Variants in NAT1 observed in about 807,000 individuals in gnomAD.
NAT1 encodes the protein arylamine N-acetyltransferase 1.
For synonymous variants in NAT1, 144 were observed against 122.6 expected (o/e 1.17, Z -1.16); for missense variants, 400 against 339.2 (o/e 1.18, Z -1.41).
At chr8:18,173,010 C>T (rs1174283772) in intron 2 of NAT1, among the ~76,000 whole-genome samples, 1 of 152,062 alleles carries the variant, frequency 6.6e-6, no homozygotes, top group Non-Finnish European at 1.5e-5. Flanking sequence ...TCATGGGGAG[C>T]CCAGGACCTC....
At chr8:18,185,938 C>T (rs1187659487) in intron 2 of NAT1, among the ~76,000 whole-genome samples, 1 of 152,062 alleles carries the variant, frequency 6.6e-6, no homozygotes, top group Non-Finnish European at 1.5e-5. Context: ...CCTAAATTTA[C>T]AAATATTTAG....
chr8:18,193,832 G>A (rs1200800281), intron 2 of NAT1, among the ~76,000 whole-genome samples: 1 of 151,556 alleles, frequency 6.6e-6, no homozygotes, highest in African/African-American at 2.4e-5. Flanking sequence ...GTAGAGACAG[G>A]GTTTCATCAT....
chr8:18,217,436 A>G (rs1314271308), intron 1 of NAT1, among the ~76,000 whole-genome samples: 3 of 152,234 alleles, frequency 2.0e-5, no homozygotes, highest in Non-Finnish European at 4.4e-5. Context: ...CCTGGGAGGA[A>G]GATGCTGTGC....
At chr8:18,198,699 G>A (rs538706440) in intron 2 of NAT1, among the ~76,000 whole-genome samples, 23 of 152,086 alleles carry the variant, frequency 1.5e-4, no homozygotes, top group Non-Finnish European at 2.4e-4. Context: ...ACACATATAT[G>A]CATTGTGAAA....
chr8:18,204,587 T>C (rs1369810576), intron 2 of NAT1, among the ~76,000 whole-genome samples: 2 of 152,164 alleles, frequency 1.3e-5, no homozygotes, highest in Non-Finnish European at 2.9e-5. Context: ...TTTCAATCTG[T>C]TAATATACAA....
chr8:18,171,044 T>G lies in NAT1; in HGVS notation n.92+305T>G, dbSNP rs139854244. Among the ~76,000 whole-genome samples the G allele has an allele frequency of 2.3e-3, 344 of 152,176 alleles. 3 individuals are homozygous for G. Among genetic ancestry groups the G allele is most frequent in the African/African-American group, 8.0e-3 (332 of 41,512 alleles). ...TTGGATCCAGTTAAAGGCCTTGGGGTAGGTAATTTTGATCTTTTCGGCATT... is the reference window on the plus strand; with the variant it reads ...TTGGATCCAGTTAAAGGCCTTGGGGGAGGTAATTTTGATCTTTTCGGCATT... On this transcript the variant is annotated intron_variant and non_coding_transcript_variant, in intron 2 of 4. Transcript: ENST00000517441.
chr8:18,188,768 G>A lies in NAT1; in HGVS notation n.92+18029G>A, dbSNP rs998586484. Among the ~76,000 whole-genome samples, 4 of 151,640 alleles carry A rather than the reference G, an allele frequency of 2.6e-5. No individual in the cohort carries two copies. The East Asian group carries it at 5.8e-4, about 22-fold the overall frequency. On this transcript the variant is annotated intron_variant and non_coding_transcript_variant, in intron 2 of 4. Transcript: ENST00000517441. ...ATCTCAGCACCTGGGAGGCTGAGGC[G>A]GGTGGATCATGAGGTTAGGAGTTCA... is the stretch of plus-strand genomic sequence containing the variant.
chr8:18,202,898 G>T (rs550097093), intron 2 of NAT1, among the ~76,000 whole-genome samples: 4 of 152,134 alleles, frequency 2.6e-5, no homozygotes, highest in African/African-American at 7.2e-5. Context: ...TCCCACACAC[G>T]TCCTGCTGAT....
Position 18,222,632 on chromosome 8 carries a change from G to A in NAT1, c.585G>A (p.Lys195=), listed in dbSNP as rs920354996. The change falls in exon 3 of 3, where the codon AAG becomes AAA. Residue 195 remains lysine (K), a synonymous_variant. Transcript: ENST00000307719. ...GAAAAATCTACTCCTTTACTCTTAA[G>A]CCTCGAACAATTGAAGATTTTGAGT... ...KYRKIYSFTL[K]PRTIEDFESM... is the part of the protein sequence containing the mutation. 4 of 1,613,098 alleles carry A rather than the reference G, an allele frequency of 2.5e-6. No individual in the cohort carries two copies. The Admixed American group carries it at 6.7e-5, about 27-fold the overall frequency.
intron 2 of NAT1, chr8:18,221,776 A>T (rs1805324573): frequency 3.0e-6 from 1 of 332,658 alleles, no homozygotes; most frequent in Non-Finnish European, 5.4e-6. Flanking sequence ...ACCATGAACA[A>T]GCTGTTTATC....
chr8:18,218,509 C>T (rs1804929803), intron 1 of NAT1, among the ~76,000 whole-genome samples: 1 of 152,176 alleles, frequency 6.6e-6, no homozygotes, highest in African/African-American at 2.4e-5. Flanking sequence ...CATGTTAATT[C>T]TTTCATTACT....
chr8:18,193,355 G>A (rs1257693407), intron 2 of NAT1, among the ~76,000 whole-genome samples: 2 of 150,322 alleles, frequency 1.3e-5, no homozygotes, highest in African/African-American at 4.9e-5. Flanking sequence ...CTACTTGGGA[G>A]GCAAGGCAGG....
intron 2 of NAT1, among the ~76,000 whole-genome samples, chr8:18,197,893 T>C (rs904951911): frequency 6.6e-6 from 1 of 151,828 alleles, no homozygotes; most frequent in African/African-American, 2.4e-5. Flanking sequence ...TTTATACTTT[T>C]TTTTTTTTTT....
chr8:18,174,932 C>T (rs1589047636), intron 2 of NAT1, among the ~76,000 whole-genome samples: 1 of 152,094 alleles, frequency 6.6e-6, no homozygotes, highest in Non-Finnish European at 1.5e-5. Flanking sequence ...CTCCCCACAC[C>T]TCTGGGCAAC....
chr8:18,220,462 G>T lies in NAT1; in HGVS notation c.-7+973G>T, dbSNP rs8190836. 2.2e-3 allele frequency among the ~76,000 whole-genome samples: 335 copies of T among 152,288 alleles called. 2 individuals carry two copies. Among genetic ancestry groups the T allele is most frequent in the African/African-American group, 7.8e-3 (323 of 41,556 alleles). On this transcript the variant is annotated intron_variant, in intron 2 of 2. Coordinates refer to ENST00000307719, the MANE Select transcript of NAT1 (RefSeq NM_000662.8). ...TACAAAAGAGTTATACCTGAGGTCT[G>T]TACAGCACTGTTACAATCATAGTCT...
chr8:18,206,668 GT>G (rs1345578422), upstream of NAT1, among the ~76,000 whole-genome samples: 1 of 152,080 alleles, frequency 6.6e-6, no homozygotes. Context: ...GGGGTTGCTT[GT>G]TTTTTTCTGG....
In NAT1 at chr8:18,183,923, T is replaced by C. The variant is rs1473501241; in HGVS notation, n.92+13184T>C. Among the ~76,000 whole-genome samples, 5 of 152,312 alleles carry C rather than the reference T, an allele frequency of 3.3e-5. No individual in the cohort carries two copies. In the East Asian group the frequency reaches 9.7e-4, roughly 29 times the overall value. On this transcript the variant is annotated intron_variant and non_coding_transcript_variant, in intron 2 of 4. Coordinates refer to the NAT1 transcript ENST00000517441. ...CCAAGGCCTCAGACAACCCTGCCCCTATGACTTTGCTGGGTTCAGCCCACA... is the reference window on the plus strand; with the variant it reads ...CCAAGGCCTCAGACAACCCTGCCCCCATGACTTTGCTGGGTTCAGCCCACA...
At chr8:18,194,352 G>A (rs1174837250) in intron 2 of NAT1, among the ~76,000 whole-genome samples, 1 of 152,154 alleles carries the variant, frequency 6.6e-6, no homozygotes, top group Non-Finnish European at 1.5e-5. Flanking sequence ...TCACGTATAT[G>A]ATCTCTGCCT....
At chr8:18,194,154 G>A (rs11778588) in intron 2 of NAT1, among the ~76,000 whole-genome samples, 8,430 of 152,200 alleles carry the variant, frequency 0.055, 313 homozygotes, top group Non-Finnish European at 0.089. Context: ...GTTCACTGGA[G>A]GTGGGGGAGT....
Sources: allele counts gnomAD v4.1 joint callset (sites outside exome capture counted in the v4.1 genomes callset), GRCh38; gene constraint gnomAD v4.1.1; transcripts MANE v1.5; gene names NCBI Gene and HGNC (gene_info 2026-07-23, HGNC 2026-07-21).